ACER3: variants seen among roughly 807,000 people sequenced by gnomAD.
ACER3 encodes the protein alkCDase 3.
A neutral mutation model predicts 48.9 loss-of-function variants in ACER3; 16 were observed. The ratio of observed to expected loss-of-function variants is 0.33; its 90% CI spans 0.22 to 0.50. ACER3 has a LOEUF of 0.50. Ranked by LOEUF, ACER3 falls within the 20% of genes least tolerant of loss-of-function variation. The pLI, the probability that ACER3 is intolerant of heterozygous loss-of-function variation, is 0.98. For synonymous variants in ACER3, 109 were observed against 107.8 expected, an observed-to-expected ratio of 1.01 and a Z score of -0.07; for missense variants, 227 against 326.0, an observed-to-expected ratio of 0.70 and a Z score of 2.34.
rs148637475 is a variant in ACER3, at chr11:76,958,787, A to G, written c.215-192A>G. On this transcript the variant is annotated intron_variant, in intron 2 of 10. Transcript: ENST00000532485. The stretch of plus-strand genomic sequence containing the variant: ...GTAGAGGGAATTTAGGAGAACTTAT[A>G]TTGTACTTCTTTTCTACACCAAAAT... 27 of 594,004 alleles carry G rather than the reference A, an allele frequency of 4.5e-5. No individual in the cohort carries two copies. The East Asian group carries it at 6.6e-4, about 15-fold the overall frequency. The allele number at this position is 594,004 out of a possible 1,614,324, so 36.8% of individuals were successfully genotyped here.
intron 1 of ACER3, chr11:76,868,379 C>G: frequency 5.2e-6 from 2 of 381,976 alleles, no homozygotes; most frequent in South Asian, 2.6e-5. Flanking sequence ...TTTAATATCT[C>G]TCTCTCTCTC....
At chr11:76,876,151 T>A (rs1945374207) in intron 1 of ACER3, among the ~76,000 whole-genome samples, 1 of 152,186 alleles carries the variant, frequency 6.6e-6, no homozygotes. Flanking sequence ...CATACACCTA[T>A]GTAACAACCT....
chr11:76,980,167 C>CA (rs111230825), intron 4 of ACER3, among the ~76,000 whole-genome samples: 83 of 149,848 alleles, frequency 5.5e-4, no homozygotes, highest in Middle Eastern at 3.5e-3. Context: ...ACCAAACTAA[C>CA]AAAAAAAAAC....
intron 1 of ACER3, among the ~76,000 whole-genome samples, chr11:76,925,682 C>G (rs1328171535): frequency 6.6e-6 from 1 of 152,118 alleles, no homozygotes; most frequent in Non-Finnish European, 1.5e-5. Context: ...TTCTCATGGT[C>G]AGTTTCCTTG....
At chr11:76,958,671 T>A (rs112394308) in intron 2 of ACER3, among the ~76,000 whole-genome samples, 70 of 152,328 alleles carry the variant, frequency 4.6e-4, no homozygotes, top group Non-Finnish European at 9.1e-4. Context: ...AAGGAGTAGC[T>A]AACCAGCTAT....
chr11:76,957,222 T>C (rs1402670874), intron 2 of ACER3, among the ~76,000 whole-genome samples: 1 of 152,188 alleles, frequency 6.6e-6, no homozygotes, highest in East Asian at 1.9e-4. Flanking sequence ...TCAGCATCTA[T>C]AACTGAATTT....
intron 1 of ACER3, among the ~76,000 whole-genome samples, chr11:76,891,742 G>T (rs1053035860): frequency 3.9e-5 from 6 of 152,026 alleles, no homozygotes; most frequent in Admixed American, 6.6e-5. Context: ...CCCAGCTGGT[G>T]TCTGCTGTAG....
intron 3 of ACER3, among the ~76,000 whole-genome samples, chr11:76,969,973 C>T (rs954738884): frequency 5.9e-5 from 9 of 151,560 alleles, no homozygotes; most frequent in Non-Finnish European, 1.2e-4. Flanking sequence ...AAAAAGAAAC[C>T]TGTTTAATAA....
At chr11:76,988,125 A>C (rs1008877304) in intron 5 of ACER3, among the ~76,000 whole-genome samples, 1 of 152,198 alleles carries the variant, frequency 6.6e-6, no homozygotes, top group Non-Finnish European at 1.5e-5. Flanking sequence ...TTGCCTCTGA[A>C]AGGATGAGTA....
At chr11:76,924,723 A>G (rs1357403647) in intron 1 of ACER3, among the ~76,000 whole-genome samples, 2 of 152,154 alleles carry the variant, frequency 1.3e-5, no homozygotes, top group East Asian at 3.9e-4. Context: ...AGGATGTAAC[A>G]TCCATAATAT....
intron 2 of ACER3, chr11:76,957,600 T>C: frequency 3.4e-6 from 1 of 292,932 alleles, no homozygotes; most frequent in African/African-American, 2.2e-5. Flanking sequence ...TGTATCACCA[T>C]GTCTGGCTAA....
At chr11:76,937,788 A>G (rs977799524) in intron 2 of ACER3, among the ~76,000 whole-genome samples, 10 of 152,210 alleles carry the variant, frequency 6.6e-5, no homozygotes, top group Non-Finnish European at 1.5e-5. Flanking sequence ...TTTCAAAAGT[A>G]TGTTATTATT....
At chr11:76,971,361 GA>G (rs1156735351) in intron 3 of ACER3, among the ~76,000 whole-genome samples, 1 of 152,030 alleles carries the variant, frequency 6.6e-6, no homozygotes, top group Non-Finnish European at 1.5e-5. Flanking sequence ...CCAACATGGT[GA>G]AACCCCGTCT....
intron 4 of ACER3, among the ~76,000 whole-genome samples, chr11:76,976,562 A>C (rs1250427838): frequency 6.6e-6 from 1 of 152,166 alleles, no homozygotes; most frequent in Admixed American, 6.5e-5. Flanking sequence ...TTTAGATAGG[A>C]TCTAAATAGC....
intron 1 of ACER3, among the ~76,000 whole-genome samples, chr11:76,863,157 T>A (rs1170437172): frequency 6.6e-6 from 1 of 151,752 alleles, no homozygotes; most frequent in African/African-American, 2.4e-5. Flanking sequence ...AGCCCAGGAG[T>A]TCAAGGTTGC....
intron 4 of ACER3, among the ~76,000 whole-genome samples, chr11:76,982,416 C>G (rs1032501112): frequency 2.0e-5 from 3 of 152,032 alleles, no homozygotes; most frequent in Admixed American, 6.6e-5. Flanking sequence ...GGGGTTTCAC[C>G]ATGTTGGCCA....
At chr11:76,993,701 G>C (rs967410565) in intron 6 of ACER3, among the ~76,000 whole-genome samples, 3 of 152,138 alleles carry the variant, frequency 2.0e-5, no homozygotes, top group Non-Finnish European at 4.4e-5. Flanking sequence ...ATTTTTCCAT[G>C]GACAGCCAGG....
chr11:76,989,043 G>A (rs17135319), intron 5 of ACER3, among the ~76,000 whole-genome samples: 17,300 of 151,918 alleles, frequency 0.11, 3,245 homozygotes, highest in African/African-American at 0.39. Flanking sequence ...TTTAAAAAAT[G>A]TCTTTAAGAG....
At chr11:77,013,364 AC>A (rs1949306346) in intron 7 of ACER3, among the ~76,000 whole-genome samples, 1 of 152,216 alleles carries the variant, frequency 6.6e-6, no homozygotes, top group Non-Finnish European at 1.5e-5. Context: ...TATATATCCA[AC>A]AAAGTACCTA....
Sources: allele counts gnomAD v4.1 joint callset (sites outside exome capture counted in the v4.1 genomes callset), GRCh38; gene constraint gnomAD v4.1.1; transcripts MANE v1.5; gene names NCBI Gene and HGNC (gene_info 2026-07-23, HGNC 2026-07-21).